ST18: variants seen among roughly 807,000 people sequenced by gnomAD.
ST18 encodes the protein ST18 C2H2C-type zinc finger transcription factor, also known as suppression of tumorigenicity 18 protein.
ST18 carries 50 observed loss-of-function variants against 110.0 expected under a neutral mutation model. The observed-to-expected ratio is 0.45, with a 90% CI of 0.36 to 0.58. ST18 has a LOEUF of 0.58. ST18 is among the 20% of genes least tolerant of loss of function. The probability of loss-of-function intolerance (pLI) is 0.00; values close to 1 mark genes in which losing one functional copy is unlikely to be tolerated. For synonymous variants in ST18, 461 were observed against 452.4 expected (o/e 1.02, Z -0.24); for missense variants, 1,306 against 1,280.1 (o/e 1.02, Z -0.31).
At chr8:52,133,000 C>T (rs1413557633) in intron 21 of ST18, 57 bp downstream of exon 21, 3 of 1,586,652 alleles carry the variant, frequency 1.9e-6, no homozygotes, top group African/African-American at 2.7e-5. Flanking sequence ...AACCAAGTTC[C>T]CTCCCATTTT....
chr8:52,396,615 CA>C (rs1368058827), intron 2 of ST18, among the ~76,000 whole-genome samples: 1 of 152,122 alleles, frequency 6.6e-6, no homozygotes, highest in Non-Finnish European at 1.5e-5. Flanking sequence ...GAAGGGGAAG[CA>C]AACACATCCT....
intron 2 of ST18, among the ~76,000 whole-genome samples, chr8:52,334,525 G>T (rs938090302): frequency 1.3e-5 from 2 of 152,130 alleles, no homozygotes; most frequent in African/African-American, 4.8e-5. Flanking sequence ...GACAGATACT[G>T]AACTTTTATT....
chr8:52,244,180 G>T (rs886097265), intron 2 of ST18, among the ~76,000 whole-genome samples: 2 of 152,046 alleles, frequency 1.3e-5, no homozygotes, highest in Non-Finnish European at 2.9e-5. Context: ...TGGGAAACCT[G>T]GTCAGTACAC....
chr8:52,341,358 G>A (rs532906777), intron 2 of ST18, among the ~76,000 whole-genome samples: 1 of 152,304 alleles, frequency 6.6e-6, no homozygotes, highest in African/African-American at 2.4e-5. Context: ...GACACTGAAG[G>A]AAAGAATCTA....
intron 2 of ST18, among the ~76,000 whole-genome samples, chr8:52,260,968 G>A (rs2094675041): frequency 6.6e-6 from 1 of 152,156 alleles, no homozygotes; most frequent in Non-Finnish European, 1.5e-5. Flanking sequence ...CTTCATGACT[G>A]AATAGTTGGC....
intron 2 of ST18, among the ~76,000 whole-genome samples, chr8:52,267,483 T>TAAAA (rs57769643): frequency 1.7e-5 from 2 of 115,020 alleles, no homozygotes; most frequent in Non-Finnish European, 3.5e-5. Context: ...AGAGATAAGC[T>TAAAA]AAAAAAAAAA....
chr8:52,374,636 G>T (rs890923657), intron 2 of ST18, among the ~76,000 whole-genome samples: 1 of 151,880 alleles, frequency 6.6e-6, no homozygotes, highest in African/African-American at 2.4e-5. Flanking sequence ...CCATCACCTA[G>T]GTATTAAGCC....
intron 2 of ST18, among the ~76,000 whole-genome samples, chr8:52,299,071 C>T (rs1024076932): frequency 2.6e-5 from 4 of 152,152 alleles, no homozygotes; most frequent in Admixed American, 6.5e-5. Flanking sequence ...GTAAAATTCC[C>T]AGTGATTATA....
At chr8:52,163,032 A>G (rs1450584632) in intron 13 of ST18, among the ~76,000 whole-genome samples, 1 of 152,244 alleles carries the variant, frequency 6.6e-6, no homozygotes, top group Non-Finnish European at 1.5e-5. Context: ...TTAAGAAATG[A>G]GCAAAATGAA....
chr8:52,394,783 G>A (rs1840526566), intron 2 of ST18, among the ~76,000 whole-genome samples: 1 of 152,162 alleles, frequency 6.6e-6, no homozygotes, highest in Admixed American at 6.5e-5. Context: ...TTCTTCAACT[G>A]GAGTACAAAT....
chr8:52,171,574 T>C (rs762454082), intron 10 of ST18: 20 of 661,668 alleles, frequency 3.0e-5, no homozygotes, highest in Admixed American at 2.1e-4. Flanking sequence ...TGAACCTTTT[T>C]TCATGTGTGA....
rs11295842 is a variant in ST18, at chr8:52,127,812, T to TA, written c.2667-1673dup. Among the ~76,000 whole-genome samples, 1,065 of 144,020 alleles carry TA rather than the reference T, an allele frequency of 7.4e-3. 13 individuals are homozygous for TA. The highest frequency in any genetic ancestry group is 0.024 in the African/African-American group (954 of 40,048). The allele number at this position is 144,020 out of a possible 152,430, so 94.5% of individuals were successfully genotyped here. On this transcript the variant is annotated intron_variant, in intron 22 of 25. Coordinates refer to ENST00000689386, the MANE Select transcript of ST18 (RefSeq NM_001352837.2). The stretch of plus-strand genomic sequence containing the variant: ...CCAGGATGTAAAATGAATCTTAAAT[T>TA]AAAAAAAAAAAAAGGGCAGGAAAAA...
At chr8:52,203,232 A>C (rs1368504378) in intron 8 of ST18, among the ~76,000 whole-genome samples, 1 of 152,232 alleles carries the variant, frequency 6.6e-6, no homozygotes, top group African/African-American at 2.4e-5. Flanking sequence ...GCTATATGCA[A>C]AAAGTTTCAT....
intron 22 of ST18, among the ~76,000 whole-genome samples, chr8:52,130,407 C>T (rs2049109559): frequency 6.6e-6 from 1 of 152,178 alleles, no homozygotes; most frequent in African/African-American, 2.4e-5. Context: ...CGTCCTGCCT[C>T]AGCCTCCTGA....
Position 52,377,370 on chromosome 8 carries a change from A to G in ST18, c.-465+31958T>C, listed in dbSNP as rs1286165983. 2.6e-5 allele frequency among the ~76,000 whole-genome samples: 4 copies of G among 152,216 alleles called. No homozygotes were observed. The East Asian group carries it at 7.7e-4, about 29-fold the overall frequency. ...TATGTGGTGACTGATAAATCGAGATATTTAGTTACTGTTCTATAAGTTGAC... is the reference window on the plus strand; with the variant it reads ...TATGTGGTGACTGATAAATCGAGATGTTTAGTTACTGTTCTATAAGTTGAC... On this transcript the variant is annotated intron_variant, in intron 2 of 25. Coordinates refer to ENST00000689386, the MANE Select transcript of ST18 (RefSeq NM_001352837.2).
chr8:52,121,915 T>C (rs2045008528), intron 23 of ST18, among the ~76,000 whole-genome samples: 1 of 152,186 alleles, frequency 6.6e-6, no homozygotes, highest in Non-Finnish European at 1.5e-5. Context: ...GTGCAATCTC[T>C]GCTCACTGCA....
At chr8:52,151,919 C>T (rs1239380694) in intron 15 of ST18, among the ~76,000 whole-genome samples, 3 of 152,170 alleles carry the variant, frequency 2.0e-5, no homozygotes, top group Non-Finnish European at 4.4e-5. Flanking sequence ...ATAAATAGTG[C>T]AGATTCGATT....
chr8:52,111,285 T>C lies in ST18; in HGVS notation c.*1913A>G. The C allele has an allele frequency of 3.5e-6, 1 of 282,644 alleles. No homozygotes were observed. The highest frequency in any genetic ancestry group is 6.5e-6 in the Non-Finnish European group (1 of 153,374). The allele number at this position is 282,644 out of a possible 1,614,324, so 17.5% of individuals were successfully genotyped here. ...TTTGTCTTTGTAATAAGTGAGCTCA[T>C]TTGTATGCATCTATGAAGTACTGTA... On this transcript the variant is annotated 3_prime_UTR_variant, in exon 26 of 26. Coordinates refer to ENST00000689386, the MANE Select transcript of ST18 (RefSeq NM_001352837.2).
intron 2 of ST18, among the ~76,000 whole-genome samples, chr8:52,334,847 C>T (rs533083307): frequency 6.6e-6 from 1 of 152,318 alleles, no homozygotes; most frequent in African/African-American, 2.4e-5. Flanking sequence ...AGAAGGAACC[C>T]TTCACCAACT....
Sources: allele counts gnomAD v4.1 joint callset (sites outside exome capture counted in the v4.1 genomes callset), GRCh38; gene constraint gnomAD v4.1.1; transcripts MANE v1.5; gene names NCBI Gene and HGNC (gene_info 2026-07-23, HGNC 2026-07-21).